Variants in GKN1 observed in about 807,000 individuals in gnomAD.
The protein encoded by GKN1 is gastrokine 1.
In GKN1, 17 loss-of-function variants were observed where a neutral mutation model predicts 19.7. That is an observed-to-expected ratio of 0.86 (90% CI 0.59 to 1.29). The LOEUF is 1.29. Ranked by LOEUF, GKN1 falls within the 50% of genes most tolerant of loss-of-function variation. GKN1 has a pLI of 0.00. For missense variants in GKN1, 218 were observed against 224.5 expected (o/e 0.97, Z 0.19); for synonymous variants, 96 against 78.3 (o/e 1.23, Z -1.20).
intron 3 of GKN1, among the ~76,000 whole-genome samples, chr2:68,978,273 A>AAGGAAGGAAGGAAGGG (rs1670300799): frequency 7.7e-6 from 1 of 129,602 alleles, no homozygotes; most frequent in Admixed American, 7.4e-5. Flanking sequence ...GGAAGGAAGG[A>AAGGAAGGAAGGAAGGG]AAGAAAGAAA....
At chr2:68,979,015 G>A in intron 4 of GKN1, 34 bp downstream of exon 4, 2 of 1,072,242 alleles carry the variant, frequency 1.9e-6, no homozygotes, top group Non-Finnish European at 2.9e-6. Flanking sequence ...TTTGGTGAGG[G>A]GAGAGGTTTT....
chr2:68,977,393 C>G (rs558809429), intron 1 of GKN1, 102 bp from the exon 2 acceptor site: 2 of 835,342 alleles, frequency 2.4e-6, no homozygotes, highest in East Asian at 2.4e-5. Flanking sequence ...GAACTGAACA[C>G]ATTGGTAAAA....
In GKN1 at chr2:68,978,957, T is replaced by C; in HGVS notation, c.291T>C (p.Leu97=). The C allele has an allele frequency of 1.3e-6, 2 of 1,589,096 alleles. No homozygotes were observed. The highest frequency in any genetic ancestry group is 1.1e-5 in the South Asian group (1 of 90,400). The change falls in exon 4 of 6, where the codon CTT becomes CTC. Residue 97 remains leucine, a synonymous_variant. Coordinates refer to ENST00000377938, the MANE Select transcript of GKN1 (RefSeq NM_019617.4). ...NKEVMPSIQS[L]DALVKEKKLQ... ...AAGTCATGCCCTCCATTCAATCCCTTGATGCACTGGTCAAGGAAAAGAAGG... is the reference window on the plus strand; with the variant it reads ...AAGTCATGCCCTCCATTCAATCCCTCGATGCACTGGTCAAGGAAAAGAAGG...
chr2:68,975,674 A>T (rs922897986), intron 1 of GKN1, among the ~76,000 whole-genome samples: 2 of 152,132 alleles, frequency 1.3e-5, no homozygotes, highest in Non-Finnish European at 2.9e-5. Context: ...AGCTCCAGAC[A>T]CAGGTTAGAT....
At position 68,977,516 on chromosome 2, in the gene GKN1, G is replaced by C. The variant is rs1558714948; in HGVS notation, c.34G>C (p.Gly12Arg). ...KFTIVFAGLL[G>R]VFLAPALANY... The stretch of plus-strand genomic sequence containing the variant: ...TCAGATTGTCTTTGCTGGACTTCTT[G>C]GAGTCTTTCTAGCTCCTGCCCTAGC... The change falls in exon 2 of 6, where the codon GGA becomes CGA. Residue 12 changes from glycine to arginine, a missense_variant. By Grantham distance (125) the Gly-to-Arg change is moderately radical. Coordinates refer to ENST00000377938, the MANE Select transcript of GKN1 (RefSeq NM_019617.4). 6.2e-7 allele frequency: 1 copy of C among 1,610,566 alleles called. No individual in the cohort carries two copies. Among genetic ancestry groups the C allele is most frequent in the South Asian group, 1.1e-5 (1 of 90,986 alleles).
rs1237940806 is a variant in GKN1, at chr2:68,977,671, G to A, written c.101G>A (p.Gly34Glu). Residue 34 changes from glycine (G) to glutamate (E), a missense_variant, in exon 3 of 6, where the codon GGA becomes GAA. Transcript: ENST00000377938. Reference sequence around the variant, plus strand: ...GTCAATGATGACAACAACAATGCTGGAAGTGGGCAGCAGTCAGTGAGTGTC... The same window carrying A: ...GTCAATGATGACAACAACAATGCTGAAAGTGGGCAGCAGTCAGTGAGTGTC... Reference protein sequence around the residue: ...INVNDDNNNAGSGQQSVSVNN... With the variant: ...INVNDDNNNAESGQQSVSVNN... 1.2e-6 allele frequency: 2 copies of A among 1,609,170 alleles called. No individual in the cohort carries two copies. Among genetic ancestry groups the A allele is most frequent in the Non-Finnish European group, 1.7e-6 (2 of 1,175,490 alleles).
Sources: allele counts gnomAD v4.1 joint callset (sites outside exome capture counted in the v4.1 genomes callset), GRCh38; gene constraint gnomAD v4.1.1; transcripts MANE v1.5; gene names NCBI Gene and HGNC (gene_info 2026-07-23, HGNC 2026-07-21).